THSD7A: variants seen among roughly 807,000 people sequenced by gnomAD.
The protein encoded by THSD7A is thrombospondin type-1 domain-containing protein 7A.
THSD7A carries 96 observed loss-of-function variants against 231.3 expected under a neutral mutation model. The observed-to-expected ratio is 0.41, with a 90% CI of 0.35 to 0.49. The LOEUF (loss-of-function observed/expected upper bound fraction) is 0.49, where lower values mean the gene tolerates loss of function less well. Ranked by LOEUF, THSD7A falls within the 20% of genes least tolerant of loss-of-function variation. The pLI, the probability that THSD7A is intolerant of heterozygous loss-of-function variation, is 0.05. For missense variants in THSD7A, 2,290 were observed against 2,070.2 expected, an observed-to-expected ratio of 1.11 and a Z score of -2.06; for synonymous variants, 940 against 743.3, an observed-to-expected ratio of 1.26 and a Z score of -4.30.
chr7:11,608,257 T>C (rs1024042754), intron 2 of THSD7A, among the ~76,000 whole-genome samples: 8 of 152,162 alleles, frequency 5.3e-5, no homozygotes, highest in Non-Finnish European at 1.5e-5. Context: ...CATTATGGAA[T>C]TTTTGCCTGT....
chr7:11,687,292 A>C (rs1158125737), intron 1 of THSD7A, among the ~76,000 whole-genome samples: 6 of 151,928 alleles, frequency 3.9e-5, no homozygotes, highest in Non-Finnish European at 1.5e-5. Context: ...AAGAAGAAGA[A>C]ATTTATATGT....
intron 1 of THSD7A, among the ~76,000 whole-genome samples, chr7:11,802,432 A>AT (rs1295637129): frequency 6.6e-6 from 1 of 152,160 alleles, no homozygotes; most frequent in Non-Finnish European, 1.5e-5. Flanking sequence ...CAGACCTGAG[A>AT]TTTTGAATGT....
At chr7:11,540,013 C>A (rs1205729813) in intron 6 of THSD7A, among the ~76,000 whole-genome samples, 1 of 152,146 alleles carries the variant, frequency 6.6e-6, no homozygotes, top group South Asian at 2.1e-4. Context: ...GTAATCCAAA[C>A]TAGGATTTAA....
chr7:11,397,316 T>G (rs562577084), intron 23 of THSD7A, among the ~76,000 whole-genome samples: 3 of 152,230 alleles, frequency 2.0e-5, no homozygotes, highest in African/African-American at 7.2e-5. Context: ...GGGAAAAGGA[T>G]TCCCTATTTA....
At chr7:11,409,717 AT>A (rs1562587547) in intron 19 of THSD7A, among the ~76,000 whole-genome samples, 1 of 152,114 alleles carries the variant, frequency 6.6e-6, no homozygotes. Context: ...TCCAGCCAGT[AT>A]ATGACCATTA....
rs544392057 is a variant in THSD7A, at chr7:11,545,376, A to G, written c.1454-2259T>C. Among the ~76,000 whole-genome samples, 62 of 152,324 alleles carry G rather than the reference A, an allele frequency of 4.1e-4. 2 individuals are homozygous for G. In the South Asian group the frequency reaches 0.012, roughly 30 times the overall value. ...TTATTAGAGTCTGAATTTATTTTAT[A>G]TATAAAGTTGAAAACTTTAGGAAGC... On this transcript the variant is annotated intron_variant, in intron 4 of 27. Coordinates refer to ENST00000423059, the MANE Select transcript of THSD7A (RefSeq NM_015204.3).
chr7:11,390,769 G>A (rs1053468063), intron 23 of THSD7A, among the ~76,000 whole-genome samples: 1 of 152,150 alleles, frequency 6.6e-6, no homozygotes, highest in Non-Finnish European at 1.5e-5. Context: ...CCTTCGGATG[G>A]GGTCTCTGAG....
chr7:11,683,120 CAA>C (rs71027424), intron 1 of THSD7A, among the ~76,000 whole-genome samples: 1,146 of 99,560 alleles, frequency 0.012, 15 homozygotes, highest in African/African-American at 0.036. Flanking sequence ...GACTCCATCT[CAA>C]AAAAAAAAAA....
At chr7:11,692,134 T>C (rs374420572) in intron 1 of THSD7A, among the ~76,000 whole-genome samples, 42 of 151,548 alleles carry the variant, frequency 2.8e-4, no homozygotes, top group Non-Finnish European at 5.5e-4. Context: ...TGGTCCAGAA[T>C]GACAACCAAA....
At chr7:11,456,948 A>T (rs1785328525) in intron 11 of THSD7A, among the ~76,000 whole-genome samples, 1 of 152,112 alleles carries the variant, frequency 6.6e-6, no homozygotes, top group South Asian at 2.1e-4. Context: ...GATATTATTC[A>T]AGTGGGAGTA....
chr7:11,524,337 C>T (rs754025890), intron 6 of THSD7A, among the ~76,000 whole-genome samples: 3 of 152,074 alleles, frequency 2.0e-5, no homozygotes, highest in Non-Finnish European at 4.4e-5. Flanking sequence ...TGGGCTCTGT[C>T]ATGTTGTCTA....
intron 1 of THSD7A, among the ~76,000 whole-genome samples, chr7:11,740,277 A>G (rs1782064676): frequency 6.6e-6 from 1 of 151,956 alleles, no homozygotes; most frequent in African/African-American, 2.4e-5. Flanking sequence ...GTGGTCAATG[A>G]TCCCAGAGAC....
At chr7:11,378,979 A>G (rs971418399) in intron 26 of THSD7A, 91 bp downstream of exon 26, 1 of 1,185,608 alleles carries the variant, frequency 8.4e-7, no homozygotes, top group Admixed American at 2.2e-5. Flanking sequence ...TCAATAGCTC[A>G]TATAAAAATG....
chr7:11,798,551 C>T (rs115574637), intron 1 of THSD7A, among the ~76,000 whole-genome samples: 2,600 of 151,612 alleles, frequency 0.017, 72 homozygotes, highest in African/African-American at 0.059. Context: ...AAACATGTGT[C>T]TGAAGAATGC....
At chr7:11,482,525 G>C (rs1786473333) in intron 6 of THSD7A, among the ~76,000 whole-genome samples, 1 of 152,190 alleles carries the variant, frequency 6.6e-6, no homozygotes, top group African/African-American at 2.4e-5. Flanking sequence ...AAATAGACAG[G>C]AAATGTAAAT....
chr7:11,737,549 C>T (rs1363198834), intron 1 of THSD7A, among the ~76,000 whole-genome samples: 2 of 151,958 alleles, frequency 1.3e-5, no homozygotes, highest in Non-Finnish European at 1.5e-5. Flanking sequence ...TGCAAAGGTG[C>T]CATTTTATGT....
intron 1 of THSD7A, among the ~76,000 whole-genome samples, chr7:11,695,691 A>G (rs1184836234): frequency 2.0e-5 from 3 of 151,532 alleles, no homozygotes; most frequent in African/African-American, 4.8e-5. Context: ...AATTGGTCCA[A>G]AGATAGTAGG....
At chr7:11,821,432 T>C in intron 1 of THSD7A, 1 of 285,654 alleles carries the variant, frequency 3.5e-6, no homozygotes, top group Admixed American at 4.6e-5. Flanking sequence ...TAGGCATATA[T>C]AGTAATATTA....
intron 4 of THSD7A, among the ~76,000 whole-genome samples, chr7:11,546,217 C>G: frequency 6.8e-6 from 1 of 148,016 alleles, no homozygotes; most frequent in African/African-American, 2.5e-5. Flanking sequence ...CACACACACA[C>G]ACACACACAC....
Sources: allele counts gnomAD v4.1 joint callset (sites outside exome capture counted in the v4.1 genomes callset), GRCh38; gene constraint gnomAD v4.1.1; transcripts MANE v1.5; gene names NCBI Gene and HGNC (gene_info 2026-07-23, HGNC 2026-07-21).